The following MAGI2 variants were observed in gnomAD, a reference collection of about 807,000 sequenced individuals.
MAGI2 encodes the protein membrane-associated guanylate kinase, WW and PDZ domain-containing protein 2.
A neutral mutation model predicts 133.3 loss-of-function variants in MAGI2; 35 were observed. The ratio of observed to expected loss-of-function variants is 0.26; its 90% CI spans 0.20 to 0.35. The LOEUF is 0.35. MAGI2 is among the 10% of genes least tolerant of loss of function. MAGI2 has a pLI of 1.00. For synonymous variants in MAGI2, 729 were observed against 710.6 expected, an observed-to-expected ratio of 1.03 and a Z score of -0.41; for missense variants, 1,636 against 1,863.4, an observed-to-expected ratio of 0.88 and a Z score of 2.25.
chr7:78,691,956 C>T (rs542074013), intron 2 of MAGI2, among the ~76,000 whole-genome samples: 1 of 152,286 alleles, frequency 6.6e-6, no homozygotes, highest in East Asian at 1.9e-4. Context: ...CCAATTACCA[C>T]TCCGGTGGGC....
intron 3 of MAGI2, among the ~76,000 whole-genome samples, chr7:78,587,975 C>G (rs1271040337): frequency 6.6e-6 from 1 of 152,156 alleles, no homozygotes; most frequent in East Asian, 1.9e-4. Context: ...GAAGTGTCCT[C>G]TGGTAATGTC....
At chr7:79,366,231 C>CA (rs1842703310) in intron 1 of MAGI2, among the ~76,000 whole-genome samples, 2 of 151,418 alleles carry the variant, frequency 1.3e-5, no homozygotes, top group African/African-American at 2.4e-5. Context: ...GATCCTGTAT[C>CA]AAAAAAACAA....
intron 10 of MAGI2, among the ~76,000 whole-genome samples, chr7:78,231,232 C>T (rs980789736): frequency 2.0e-5 from 3 of 152,162 alleles, no homozygotes; most frequent in African/African-American, 4.8e-5. Flanking sequence ...GCAAAGCTTG[C>T]GTGCAGCAGA....
At chr7:78,249,408 C>T (rs1159845088) in intron 10 of MAGI2, among the ~76,000 whole-genome samples, 2 of 152,062 alleles carry the variant, frequency 1.3e-5, no homozygotes, top group African/African-American at 2.4e-5. Flanking sequence ...TATCTTCACT[C>T]CTATATTTAT....
At chr7:78,512,862 T>A (rs563177658) in intron 4 of MAGI2, among the ~76,000 whole-genome samples, 2 of 152,296 alleles carry the variant, frequency 1.3e-5, no homozygotes, top group East Asian at 3.9e-4. Context: ...ATTCAAAGTC[T>A]GTGGGTAGAA....
intron 21 of MAGI2, among the ~76,000 whole-genome samples, chr7:78,047,399 T>C (rs1433912357): frequency 6.6e-6 from 1 of 152,188 alleles, no homozygotes; most frequent in Non-Finnish European, 1.5e-5. Flanking sequence ...CATGGTAGCC[T>C]GTTGCCTTTT....
intron 3 of MAGI2, among the ~76,000 whole-genome samples, chr7:78,580,143 TGAG>T (rs1301320943): frequency 3.3e-5 from 5 of 152,202 alleles, no homozygotes; most frequent in Non-Finnish European, 4.4e-5. Flanking sequence ...AATTTTATGA[TGAG>T]ATGCTCCTCA....
intron 2 of MAGI2, among the ~76,000 whole-genome samples, chr7:78,978,989 G>T (rs150323236): frequency 3.3e-5 from 5 of 151,852 alleles, no homozygotes; most frequent in African/African-American, 1.2e-4. Context: ...TAACAGCAGA[G>T]ATAAGCAAGA....
chr7:78,579,825 TCTAA>T (rs922878252), intron 3 of MAGI2, among the ~76,000 whole-genome samples: 1 of 151,920 alleles, frequency 6.6e-6, no homozygotes, highest in African/African-American at 2.4e-5. Flanking sequence ...AGGGATCCAT[TCTAA>T]CTAAGAACCG....
At chr7:78,627,336 G>A (rs1808476537) in intron 2 of MAGI2, 97 bp from the exon 3 acceptor site, 5 of 1,145,124 alleles carry the variant, frequency 4.4e-6, no homozygotes, top group Non-Finnish European at 5.7e-6. Flanking sequence ...AGTGCCACTT[G>A]TTTGTACATC....
At chr7:78,534,259 GA>G (rs963641619) in intron 3 of MAGI2, among the ~76,000 whole-genome samples, 2 of 151,920 alleles carry the variant, frequency 1.3e-5, no homozygotes, top group Admixed American at 1.3e-4. Flanking sequence ...GGCTTTTTAA[GA>G]AAAAAAATTG....
At chr7:78,546,887 T>A (rs1014442646) in intron 3 of MAGI2, among the ~76,000 whole-genome samples, 9 of 152,198 alleles carry the variant, frequency 5.9e-5, no homozygotes, top group Admixed American at 2.0e-4. Flanking sequence ...TGTTGCTTAC[T>A]TTTGCATAGC....
chr7:78,329,536 T>C (rs1041073534), intron 9 of MAGI2, among the ~76,000 whole-genome samples: 23 of 152,248 alleles, frequency 1.5e-4, no homozygotes, highest in African/African-American at 5.3e-4. Context: ...TGACAAGCTA[T>C]AGGAATATGC....
chr7:78,822,863 G>A (rs958554385), intron 2 of MAGI2, among the ~76,000 whole-genome samples: 2 of 152,148 alleles, frequency 1.3e-5, no homozygotes, highest in African/African-American at 4.8e-5. Context: ...CCACTAGAAA[G>A]TTAGAAGTTC....
intron 2 of MAGI2, among the ~76,000 whole-genome samples, chr7:78,758,867 G>C (rs540612124): frequency 6.6e-6 from 1 of 152,296 alleles, no homozygotes; most frequent in East Asian, 1.9e-4. Flanking sequence ...CCCAGGTAGA[G>C]TGATTTATTC....
chr7:78,939,162 GT>G (rs1468776061), intron 2 of MAGI2, among the ~76,000 whole-genome samples: 1 of 151,704 alleles, frequency 6.6e-6, no homozygotes, highest in Non-Finnish European at 1.5e-5. Context: ...CCTGGCTAAT[GT>G]TTGTATTTTT....
At chr7:78,276,144 T>C (rs1795035850) in intron 9 of MAGI2, among the ~76,000 whole-genome samples, 1 of 152,184 alleles carries the variant, frequency 6.6e-6, no homozygotes, top group Non-Finnish European at 1.5e-5. Flanking sequence ...CAGCAGATCA[T>C]AAATATTTAT....
chr7:79,218,596 T>C (rs1830212791), intron 1 of MAGI2, among the ~76,000 whole-genome samples: 1 of 152,090 alleles, frequency 6.6e-6, no homozygotes, highest in South Asian at 2.1e-4. Context: ...TATTCTTTTC[T>C]TACTCTCCAA....
intron 2 of MAGI2, among the ~76,000 whole-genome samples, chr7:78,790,825 C>A (rs953193914): frequency 6.6e-6 from 1 of 152,102 alleles, no homozygotes; most frequent in African/African-American, 2.4e-5. Flanking sequence ...ATGCCAGGTA[C>A]TATGTACGTA....
Sources: allele counts gnomAD v4.1 joint callset (sites outside exome capture counted in the v4.1 genomes callset), GRCh38; gene constraint gnomAD v4.1.1; transcripts MANE v1.5; gene names NCBI Gene and HGNC (gene_info 2026-07-23, HGNC 2026-07-21).